The following TCF21 variants were observed in gnomAD, a reference collection of about 807,000 sequenced individuals.
TCF21 encodes capsulin.
Under a neutral mutation model 13.5 loss-of-function variants are expected in TCF21, and 3 were observed. The ratio of observed to expected loss-of-function variants is 0.22; its 90% CI spans 0.10 to 0.57. The LOEUF is 0.57. Among genes scored for constraint, TCF21 ranks in the 20% least tolerant of loss-of-function variants. The probability of loss-of-function intolerance (pLI) is 0.92; values close to 1 mark genes in which losing one functional copy is unlikely to be tolerated. For synonymous variants in TCF21, 92 were observed against 101.7 expected (o/e 0.90, Z 0.57); for missense variants, 181 against 238.4 (o/e 0.76, Z 1.59).
downstream of TCF21, chr6:133,894,017 C>T (rs9385672): frequency 0.64 from 97,793 of 151,980 alleles, 33,098 homozygotes; most frequent in East Asian, 0.82. Flanking sequence ...TAGTGAGGCT[C>T]AGATGAGATT....
At position 133,889,919 on chromosome 6, in the gene TCF21, C is replaced by T; in HGVS notation, c.450+72C>T. 1 of 1,559,806 alleles carries T rather than the reference C, an allele frequency of 6.4e-7. No homozygotes were observed. The highest frequency in any genetic ancestry group is 8.8e-7 in the Non-Finnish European group (1 of 1,134,454). On this transcript the variant is annotated intron_variant, in intron 1 of 1. Coordinates refer to ENST00000367882, the MANE Select transcript of TCF21 (RefSeq NM_003206.4). The surrounding 1 kb of genome is among the most constrained non-coding windows in gnomAD (Gnocchi z 5.1). The stretch of plus-strand genomic sequence containing the variant: ...CCCGCCTGCGGTGGGCGCGAGTGCG[C>T]GCGGGGCTGGGAGTGGGGGTGTGGG...
chr6:133,891,683 T>C (rs1182717337), intron 1 of TCF21, 30 bp from the exon 2 acceptor site: 1 of 1,113,316 alleles, frequency 9.0e-7, no homozygotes, highest in South Asian at 1.5e-5. Flanking sequence ...CCACGGCCAC[T>C]TACCTCCTCC....
At chr6:133,893,563 G>C (rs1775254453), downstream of TCF21, 1 of 152,156 alleles carries the variant, frequency 6.6e-6, no homozygotes, top group Non-Finnish European at 1.5e-5. Context: ...TAGAGCCCAT[G>C]CCTCAACCTA....
chr6:133,895,140 T>G (rs2114568385), downstream of TCF21: 1 of 152,206 alleles, frequency 6.6e-6, no homozygotes, highest in South Asian at 2.1e-4. Context: ...TAAACAGAGC[T>G]CCAGCTCTGC....
downstream of TCF21, chr6:133,894,378 T>C (rs1169890473): frequency 1.3e-5 from 2 of 152,180 alleles, no homozygotes; most frequent in Non-Finnish European, 2.9e-5. Context: ...TGGTGTCTGA[T>C]GGTGAGGCTG....
chr6:133,891,833 C>G lies in TCF21; in HGVS notation c.*31C>G, dbSNP rs1432145775. 2 of 1,611,786 alleles carry G rather than the reference C, an allele frequency of 1.2e-6. No individual in the cohort carries two copies. The highest frequency in any genetic ancestry group is 8.5e-7 in the Non-Finnish European group (1 of 1,178,394). On this transcript the variant is annotated 3_prime_UTR_variant, in exon 2 of 2. Coordinates refer to ENST00000367882, the MANE Select transcript of TCF21 (RefSeq NM_003206.4). ...GAGGTGCGAGTCTGGGAAAGGCGCG[C>G]TCCCGGGGGGAGCGGGCCCCGGGAA...
chr6:133,889,898 C>T lies in TCF21; in HGVS notation c.450+51C>T, dbSNP rs961343360. ...CAGTCCAGGCGCGCCCGCACTCCCGCCTGCGGTGGGCGCGAGTGCGCGCGG... is the reference window on the plus strand; with the variant it reads ...CAGTCCAGGCGCGCCCGCACTCCCGTCTGCGGTGGGCGCGAGTGCGCGCGG... On this transcript the variant is annotated intron_variant, in intron 1 of 1. Transcript: ENST00000367882. This position sits in a 1 kb window ranked among gnomAD's most constrained non-coding sequence, Gnocchi z 5.1. 6.9e-6 allele frequency: 11 copies of T among 1,603,404 alleles called. No individual in the cohort carries two copies. Among genetic ancestry groups the T allele is most frequent in the Non-Finnish European group, 8.5e-6 (10 of 1,172,522 alleles).
chr6:133,889,932 G>A lies in TCF21; in HGVS notation c.450+85G>A. The A allele has an allele frequency of 6.8e-7, 1 of 1,463,108 alleles. No homozygotes were observed. Among genetic ancestry groups the A allele is most frequent in the Non-Finnish European group, 9.5e-7 (1 of 1,049,444 alleles). The allele number at this position is 1,463,108 out of a possible 1,614,324, so 90.6% of individuals were successfully genotyped here. A position where few individuals can be genotyped will look rare whatever the true frequency, so the allele number is the denominator to read the frequency against. On this transcript the variant is annotated intron_variant, in intron 1 of 1. Coordinates refer to ENST00000367882, the MANE Select transcript of TCF21 (RefSeq NM_003206.4). The surrounding 1 kb of genome is among the most constrained non-coding windows in gnomAD (Gnocchi z 5.1). ...GGCGCGAGTGCGCGCGGGGCTGGGA[G>A]TGGGGGTGTGGGCGCGGCGGTGACT...
chr6:133,894,009 G>C (rs1384605097), downstream of TCF21: 4 of 152,152 alleles, frequency 2.6e-5, no homozygotes, highest in African/African-American at 9.7e-5. Context: ...CAGAGGCTTA[G>C]TGAGGCTCAG....
downstream of TCF21, chr6:133,892,412 TTA>T (rs1184741158): frequency 1.3e-5 from 2 of 152,378 alleles, no homozygotes; most frequent in South Asian, 2.1e-4. Context: ...AAGATGCAGA[TTA>T]TGTTTTATAC....
Position 133,891,595 on chromosome 6 carries a change from G to T in TCF21, c.451-118G>T, listed in dbSNP as rs1347950402. On this transcript the variant is annotated intron_variant, in intron 1 of 1. Transcript: ENST00000367882. ...CCGGGAGTAAATTGCAGAGATAACCGGTCTCTCCAGAGCACCGCCTGCCCC... is the reference window on the plus strand; with the variant it reads ...CCGGGAGTAAATTGCAGAGATAACCTGTCTCTCCAGAGCACCGCCTGCCCC... The T allele has an allele frequency of 4.7e-6, 5 of 1,074,070 alleles. 1 individual carries two copies. Among genetic ancestry groups the T allele is most frequent in the African/African-American group, 3.1e-5 (2 of 63,886 alleles). 66.5% of individuals were successfully genotyped at this position (1,074,070 alleles called of 1,614,324 possible).
chr6:133,891,671 C>A, intron 1 of TCF21, 42 bp from the exon 2 acceptor site: 2 of 1,604,280 alleles, frequency 1.2e-6, no homozygotes, highest in Non-Finnish European at 8.5e-7. Context: ...CCACCCCCTC[C>A]GCCACGGCCA....
chr6:133,889,894 C>T lies in TCF21; in HGVS notation c.450+47C>T. 1 of 1,606,082 alleles carries T rather than the reference C, an allele frequency of 6.2e-7. No homozygotes were observed. Among genetic ancestry groups the T allele is most frequent in the Non-Finnish European group, 8.5e-7 (1 of 1,174,686 alleles). ...GCTGCAGTCCAGGCGCGCCCGCACTCCCGCCTGCGGTGGGCGCGAGTGCGC... is the reference window on the plus strand; with the variant it reads ...GCTGCAGTCCAGGCGCGCCCGCACTTCCGCCTGCGGTGGGCGCGAGTGCGC... On this transcript the variant is annotated intron_variant, in intron 1 of 1. Coordinates refer to ENST00000367882, the MANE Select transcript of TCF21 (RefSeq NM_003206.4). This position sits in a 1 kb window ranked among gnomAD's most constrained non-coding sequence, Gnocchi z 5.1.
At chr6:133,890,837 T>G (rs906580977) in intron 1 of TCF21, among the ~76,000 whole-genome samples, 2 of 152,186 alleles carry the variant, frequency 1.3e-5, no homozygotes, top group African/African-American at 4.8e-5. Flanking sequence ...CCGAATTGGT[T>G]TCTGGAATTG....
At position 133,891,839 on chromosome 6, in the gene TCF21, G is replaced by T. The variant is rs369704773; in HGVS notation, c.*37G>T. On this transcript the variant is annotated 3_prime_UTR_variant, in exon 2 of 2. Transcript: ENST00000367882. ...CGAGTCTGGGAAAGGCGCGCTCCCG[G>T]GGGGAGCGGGCCCCGGGAAGGCGAC... The T allele has an allele frequency of 5.4e-5, 87 of 1,608,900 alleles. No individual in the cohort carries two copies. Among genetic ancestry groups the T allele is most frequent in the Non-Finnish European group, 7.1e-5 (84 of 1,176,604 alleles).
chr6:133,892,199 AT>A lies in TCF21; in HGVS notation c.*404del, dbSNP rs527582894. 56 of 153,688 alleles carry A rather than the reference AT, an allele frequency of 3.6e-4. No homozygotes were observed. The highest frequency in any genetic ancestry group is 4.6e-4 in the African/African-American group (19 of 41,620). The allele number at this position is 153,688 out of a possible 1,614,324, so 9.5% of individuals were successfully genotyped here. A position where few individuals can be genotyped will look rare whatever the true frequency, so the allele number is the denominator to read the frequency against. ...TAAAGTAATTCACTTAAAGATATAT[AT>A]TTTTTTCAAACAAGTTTTGCTACTT... On this transcript the variant is annotated 3_prime_UTR_variant, in exon 2 of 2. Coordinates refer to ENST00000367882, the MANE Select transcript of TCF21 (RefSeq NM_003206.4).
Position 133,889,391 on chromosome 6 carries a change from C to A in TCF21, c.-7C>A. ...TCTCTCTCTCTCCCTCGTCCACTCC[C>A]CCAAACATGTCCACCGGCTCCCTCA... On this transcript the variant is annotated 5_prime_UTR_variant, in exon 1 of 2. Coordinates refer to ENST00000367882, the MANE Select transcript of TCF21 (RefSeq NM_003206.4). This position sits in a 1 kb window ranked among gnomAD's most constrained non-coding sequence, Gnocchi z 5.1. The A allele has an allele frequency of 6.2e-7, 1 of 1,613,786 alleles. No individual in the cohort carries two copies. The highest frequency in any genetic ancestry group is 2.2e-5 in the East Asian group (1 of 44,870).
chr6:133,891,960 G>A lies in TCF21; in HGVS notation c.*158G>A, dbSNP rs1775226596. Reference sequence around the variant, plus strand: ...ACACTTTACAACGACGAGGAGATTCGTTTCCAAACCAGAGGAGATCAATTG... The same window carrying A: ...ACACTTTACAACGACGAGGAGATTCATTTCCAAACCAGAGGAGATCAATTG... On this transcript the variant is annotated 3_prime_UTR_variant, in exon 2 of 2. Coordinates refer to ENST00000367882, the MANE Select transcript of TCF21 (RefSeq NM_003206.4). 1.4e-6 allele frequency: 1 copy of A among 696,016 alleles called. No homozygotes were observed. Among genetic ancestry groups the A allele is most frequent in the African/African-American group, 1.8e-5 (1 of 55,892 alleles). The allele number at this position is 696,016 out of a possible 1,614,324, so 43.1% of individuals were successfully genotyped here.
chr6:133,892,320 A>G (rs1414019275), downstream of TCF21: 1 of 152,332 alleles, frequency 6.6e-6, no homozygotes, highest in African/African-American at 2.4e-5. Context: ...ACTATGGGGA[A>G]GCTTGATAAT....
Sources: allele counts gnomAD v4.1 joint callset (sites outside exome capture counted in the v4.1 genomes callset), GRCh38; gene constraint gnomAD v4.1.1; non-coding constraint Gnocchi (gnomAD v3.1); transcripts MANE v1.5; gene names NCBI Gene and HGNC (gene_info 2026-07-23, HGNC 2026-07-21).